RBPMS: variants seen among roughly 807,000 people sequenced by gnomAD.
The protein encoded by RBPMS is RNA-binding protein with multiple splicing.
In RBPMS, 7 loss-of-function variants were observed where a neutral mutation model predicts 26.8. The observed-to-expected ratio is 0.26, with a 90% CI of 0.15 to 0.49. RBPMS has a LOEUF of 0.49. Ranked by LOEUF, RBPMS falls within the 20% of genes least tolerant of loss-of-function variation. The pLI is 0.98. For synonymous variants in RBPMS, 96 were observed against 93.3 expected (o/e 1.03, Z -0.17); for missense variants, 186 against 250.0 (o/e 0.74, Z 1.73).
chr8:30,559,191 G>A (rs992445431), intron 7 of RBPMS, among the ~76,000 whole-genome samples: 7 of 152,106 alleles, frequency 4.6e-5, no homozygotes, highest in Admixed American at 1.3e-4. Context: ...ACCAGTACCT[G>A]GCCTCCCCAC....
intron 5 of RBPMS, among the ~76,000 whole-genome samples, chr8:30,509,824 T>C (rs1001459107): frequency 2.0e-5 from 3 of 152,110 alleles, no homozygotes; most frequent in Non-Finnish European, 4.4e-5. Context: ...TCTATTTCAT[T>C]TTTTTCTCAT....
chr8:30,514,726 A>T (rs1372413465), intron 5 of RBPMS, among the ~76,000 whole-genome samples: 1 of 110,906 alleles, frequency 9.0e-6, no homozygotes, highest in African/African-American at 3.6e-5. Flanking sequence ...GGGTTTCCCC[A>T]TGTTGGCCAC....
chr8:30,448,412 A>T (rs1238957317), intron 1 of RBPMS, among the ~76,000 whole-genome samples: 1 of 152,190 alleles, frequency 6.6e-6, no homozygotes, highest in East Asian at 1.9e-4. Context: ...CATTGGCTTC[A>T]AGATGAGCTG....
chr8:30,455,409 G>A (rs1285733359), intron 1 of RBPMS, among the ~76,000 whole-genome samples: 1 of 146,302 alleles, frequency 6.8e-6, no homozygotes, highest in Non-Finnish European at 1.5e-5. Context: ...AATTGGAGAG[G>A]ACTTAACTAA....
intron 7 of RBPMS, among the ~76,000 whole-genome samples, chr8:30,562,815 G>A (rs1827610161): frequency 6.6e-6 from 1 of 152,118 alleles, no homozygotes; most frequent in African/African-American, 2.4e-5. Flanking sequence ...CAGGAGTGAT[G>A]CCGTCCTTCC....
At chr8:30,477,447 C>G (rs956254708) in intron 2 of RBPMS, among the ~76,000 whole-genome samples, 1 of 152,126 alleles carries the variant, frequency 6.6e-6, no homozygotes, top group Non-Finnish European at 1.5e-5. Context: ...TACCCTCTTT[C>G]CTTGCCTATT....
At chr8:30,538,371 C>G (rs1477907180) in intron 5 of RBPMS, among the ~76,000 whole-genome samples, 1 of 152,134 alleles carries the variant, frequency 6.6e-6, no homozygotes, top group Non-Finnish European at 1.5e-5. Flanking sequence ...TCTCCTGCCT[C>G]AGCCTCCCAA....
At chr8:30,410,165 C>CAT (rs1402548304) in intron 1 of RBPMS, among the ~76,000 whole-genome samples, 1 of 150,956 alleles carries the variant, frequency 6.6e-6, no homozygotes, top group Non-Finnish European at 1.5e-5. Context: ...CACACACACA[C>CAT]ACACACACAC....
intron 5 of RBPMS, among the ~76,000 whole-genome samples, chr8:30,511,487 AT>A (rs1489014346): frequency 0.29 from 3,580 of 12,490 alleles, 150 homozygotes; most frequent in Non-Finnish European, 0.34. Flanking sequence ...AAAAAAAAAA[AT>A]ATATATATAT....
chr8:30,530,266 A>G (rs1257522666), intron 5 of RBPMS, among the ~76,000 whole-genome samples: 1 of 152,198 alleles, frequency 6.6e-6, no homozygotes, highest in Non-Finnish European at 1.5e-5. Context: ...GCATCACACC[A>G]TGTTGCAGAG....
intron 1 of RBPMS, among the ~76,000 whole-genome samples, chr8:30,444,219 A>G (rs1335573848): frequency 6.6e-6 from 1 of 152,258 alleles, no homozygotes; most frequent in African/African-American, 2.4e-5. Flanking sequence ...AAAAGATAAC[A>G]TAGTACATAA....
chr8:30,522,553 C>A (rs1585753376), intron 5 of RBPMS, among the ~76,000 whole-genome samples: 1 of 151,970 alleles, frequency 6.6e-6, no homozygotes, highest in African/African-American at 2.4e-5. Flanking sequence ...TAAATATATA[C>A]CATTTTTAAT....
At chr8:30,429,642 C>T (rs574472000) in intron 1 of RBPMS, among the ~76,000 whole-genome samples, 2 of 152,274 alleles carry the variant, frequency 1.3e-5, no homozygotes, top group Non-Finnish European at 2.9e-5. Flanking sequence ...TTAAGTCACC[C>T]AGCAAAATCC....
intron 7 of RBPMS, among the ~76,000 whole-genome samples, chr8:30,560,493 G>C (rs983279161): frequency 2.0e-5 from 3 of 152,202 alleles, no homozygotes; most frequent in Admixed American, 2.0e-4. Context: ...AGTTGAGAGA[G>C]AGCGCTCTGT....
intron 2 of RBPMS, among the ~76,000 whole-genome samples, chr8:30,477,295 C>T (rs4486157): frequency 0.22 from 33,744 of 150,736 alleles, 4,029 homozygotes; most frequent in Middle Eastern, 0.33. Flanking sequence ...ATGATCCGCC[C>T]GCCTTGGCCT....
At chr8:30,391,352 G>A (rs886642496) in intron 1 of RBPMS, among the ~76,000 whole-genome samples, 21 of 152,248 alleles carry the variant, frequency 1.4e-4, no homozygotes, top group Non-Finnish European at 2.4e-4. Flanking sequence ...TGCTCTGTGT[G>A]ACAGCCACTT....
At chr8:30,459,628 C>T (rs1177247357) in intron 1 of RBPMS, among the ~76,000 whole-genome samples, 1 of 152,076 alleles carries the variant, frequency 6.6e-6, no homozygotes, top group Non-Finnish European at 1.5e-5. Context: ...AACCCTTGTA[C>T]ACTTTCATTT....
chr8:30,413,000 G>A (rs1809627904), intron 1 of RBPMS, among the ~76,000 whole-genome samples: 1 of 152,202 alleles, frequency 6.6e-6, no homozygotes, highest in African/African-American at 2.4e-5. Context: ...AAAAGATGGG[G>A]CCACTGAAGT....
chr8:30,434,800 C>CAT (rs1554512673), intron 1 of RBPMS, among the ~76,000 whole-genome samples: 1 of 151,286 alleles, frequency 6.6e-6, no homozygotes, highest in Non-Finnish European at 1.5e-5. Flanking sequence ...CACACACACA[C>CAT]ATTTAGTTCT....
Sources: gnomAD v4.1 joint callset for allele counts (sites outside exome capture counted in the v4.1 genomes callset) on GRCh38, gnomAD v4.1.1 for gene constraint, MANE v1.5 for transcripts, NCBI Gene and HGNC (gene_info 2026-07-23, HGNC 2026-07-21) for gene names.